HCFC1: variants seen among roughly 807,000 people sequenced by gnomAD.
HCFC1 encodes the protein host cell factor 1.
A neutral mutation model predicts 105.5 loss-of-function variants in HCFC1; 7 were observed. The observed-to-expected ratio is 0.07, with a 90% CI of 0.04 to 0.12. The LOEUF (loss-of-function observed/expected upper bound fraction) is 0.12, where lower values mean the gene tolerates loss of function less well. Among genes scored for constraint, HCFC1 ranks in the 10% least tolerant of loss-of-function variants. The pLI is 1.00. For missense variants in HCFC1, 1,065 were observed against 1,823.6 expected (o/e 0.58, Z 7.58); for synonymous variants, 918 against 828.1 (o/e 1.11, Z -1.86).
At chrX:153,970,626 A>G (rs782817578) in intron 1 of HCFC1, 22 bp downstream of exon 1, 2 of 1,158,016 alleles carry the variant, frequency 1.7e-6, no homozygotes, top group East Asian at 6.2e-5. Flanking sequence ...AGAGCCGAAG[A>G]CCCAGCGGGC....
chrX:153,965,838 G>C (rs1450563562), intron 1 of HCFC1, among the ~76,000 whole-genome samples: 2 of 112,613 alleles, frequency 1.8e-5, no homozygotes, highest in Non-Finnish European at 3.8e-5. Flanking sequence ...CCATAGAAGA[G>C]GAAAAACAGT....
intron 20 of HCFC1, 53 bp downstream of exon 20, chrX:153,951,788 A>G: frequency 8.6e-7 from 1 of 1,168,131 alleles, no homozygotes; most frequent in Non-Finnish European, 1.1e-6. Flanking sequence ...TCCTGCCCTC[A>G]CCTCCCTGGG....
At position 153,970,914 on chromosome X, in the gene HCFC1, C is replaced by T. The variant is rs1557119979; in HGVS notation, c.-74G>A. ...GCCCCTCAATTCCTTTCACACACCCCCTTTCGTCTAAGGCAGCTCTCACGG... is the reference window on the plus strand; with the variant it reads ...GCCCCTCAATTCCTTTCACACACCCTCTTTCGTCTAAGGCAGCTCTCACGG... On this transcript the variant is annotated 5_prime_UTR_variant, in exon 1 of 26. Coordinates refer to ENST00000310441, the MANE Select transcript of HCFC1 (RefSeq NM_005334.3). The T allele has an allele frequency of 3.3e-6, 3 of 903,227 alleles. No individual in the cohort carries two copies. The highest frequency in any genetic ancestry group is 3.5e-5 in the East Asian group (1 of 28,425). The allele number at this position is 903,227 out of a possible 1,213,427, so 74.4% of individuals were successfully genotyped here.
chrX:153,951,829 T>G lies in HCFC1; in HGVS notation c.5260+12A>C. On this transcript the variant is annotated intron_variant, in intron 20 of 25. Coordinates refer to ENST00000310441, the MANE Select transcript of HCFC1 (RefSeq NM_005334.3). ...CCACCACCCCAGCACCAATTCGCCC[T>G]CAGTCGCTTACTCTCAGTGGCCGTT... 9 of 1,185,687 alleles carry G rather than the reference T, an allele frequency of 7.6e-6. No individual in the cohort carries two copies. The highest frequency in any genetic ancestry group is 1.0e-5 in the Non-Finnish European group (9 of 880,972).
At chrX:153,957,227 CAG>C in intron 13 of HCFC1, 85 bp downstream of exon 13, 5 of 992,962 alleles carry the variant, frequency 5.0e-6, no homozygotes, top group Non-Finnish European at 5.5e-6. Context: ...GTAAACTAAA[CAG>C]AAACACAGCA....
At position 153,956,688 on chromosome X, in the gene HCFC1, T is replaced by C. The variant is rs781910245; in HGVS notation, c.2572A>G (p.Thr858Ala). The change falls in exon 15 of 26, where the codon ACA (threonine) becomes GCA (alanine). Residue 858 changes from threonine (T) to alanine (A), a missense_variant. Physicochemically the swap from Thr to Ala is moderately conservative, Grantham distance 58. This residue lies in a region of HCFC1 where 137 missense variants were observed against 378.2 expected (regional missense o/e 0.36). Coordinates refer to ENST00000310441, the MANE Select transcript of HCFC1 (RefSeq NM_005334.3). ...TTGACGGCGGAGACGGTGACGGGTG[T>C]GACCAGGCGAACACCCCCCATGGGC... ...TVPMGGVRLV[T>A]PVTVSAVKPA... 8.3e-7 allele frequency: 1 copy of C among 1,211,427 alleles called. No homozygotes were observed. Among genetic ancestry groups the C allele is most frequent in the Non-Finnish European group, 1.1e-6 (1 of 895,470 alleles).
chrX:153,955,228 A>G lies in HCFC1; in HGVS notation c.3171T>C (p.Ala1057=). The G allele has an allele frequency of 1.7e-6, 2 of 1,211,204 alleles. No homozygotes were observed. The highest frequency in any genetic ancestry group is 1.1e-6 in the Non-Finnish European group (1 of 895,333). ...QFVCDRQEAA[A]SLVTSTVGQQ... ...GGCCCACAGTCGAGGTCACAAGAGA[A>G]GCAGCTGCCTCCTGTCTGTCACAGA... The change falls in exon 17 of 26, where the codon GCT becomes GCC. Residue 1057 remains alanine (A), a synonymous_variant. Transcript: ENST00000310441.
At chrX:153,952,451 T>C (rs1350637395) in intron 19 of HCFC1, 63 bp downstream of exon 19, 5 of 1,057,516 alleles carry the variant, frequency 4.7e-6, no homozygotes, top group Non-Finnish European at 6.3e-6. Context: ...CTTCCCAGGC[T>C]GTCTCCGCGG....
chrX:153,968,086 A>AT (rs1242433384), intron 1 of HCFC1, among the ~76,000 whole-genome samples: 1 of 111,009 alleles, frequency 9.0e-6, no homozygotes, highest in Admixed American at 9.6e-5. Flanking sequence ...TCCACTAGGT[A>AT]TTTTCCAAGG....
Position 153,954,641 on chromosome X carries a change from C to T in HCFC1, c.3758G>A (p.Arg1253His), listed in dbSNP as rs374683078. The T allele has an allele frequency of 9.1e-6, 11 of 1,204,571 alleles. No homozygotes were observed. Among genetic ancestry groups the T allele is most frequent in the African/African-American group, 7.0e-5 (4 of 57,310 alleles). ...GAGGCTCTCGCACACAGGTGCCATGCGGGGCTCCCCAGCACCCACGCTGGA... is the reference window on the plus strand; with the variant it reads ...GAGGCTCTCGCACACAGGTGCCATGTGGGGCTCCCCAGCACCCACGCTGGA... The part of the protein sequence containing the change: ...TRSSVGAGEP[R>H]MAPVCESLQG... The change falls in exon 17 of 26, where the codon CGC becomes CAC. Residue 1253 changes from arginine (R) to histidine (H), a missense_variant. Physicochemically the swap from Arg to His is conservative, Grantham distance 29. Transcript: ENST00000310441.
In HCFC1 at chrX:153,970,995, G is replaced by A. The variant is rs945243330; in HGVS notation, c.-155C>T. ...CTCCATGGAGGCCGCCATCTTAACT[G>A]CCCTCCTTCCCTTTGGCTCTTCCCT... On this transcript the variant is annotated 5_prime_UTR_variant, in exon 1 of 26. Transcript: ENST00000310441. 1.2e-5 allele frequency: 5 copies of A among 427,051 alleles called. No individual in the cohort carries two copies. Among genetic ancestry groups the A allele is most frequent in the African/African-American group, 7.7e-5 (3 of 38,909 alleles). 35.2% of individuals were successfully genotyped at this position (427,051 alleles called of 1,213,427 possible). A position where few individuals can be genotyped will look rare whatever the true frequency, so the allele number is the denominator to read the frequency against.
At chrX:153,960,551 A>G in intron 6 of HCFC1, 137 bp from the exon 7 acceptor site, 1 of 436,555 alleles carries the variant, frequency 2.3e-6, no homozygotes, top group South Asian at 6.1e-5. Context: ...AAAAACAACA[A>G]AACAAAGAAA....
In HCFC1 at chrX:153,954,393, C is replaced by T. The variant is rs1350444902; in HGVS notation, c.4006G>A (p.Ala1336Thr). 2.1e-5 allele frequency: 25 copies of T among 1,208,364 alleles called. No individual in the cohort carries two copies. Among genetic ancestry groups the T allele is most frequent in the East Asian group, 3.0e-5 (1 of 33,725 alleles). ...TGGCCCGTGCCCCCGTTTGAAGTAG[C>T]GGTGGTGGCCGTGTGGGTGGTGCCC... is the stretch of plus-strand genomic sequence containing the variant. The part of the protein sequence containing the change: ...ETGTTHTATT[A>T]TSNGGTGQPE... Residue 1336 changes from alanine to threonine, a missense_variant, in exon 17 of 26, where the codon GCT becomes ACT. Physicochemically the swap from Ala to Thr is moderately conservative, Grantham distance 58. Coordinates refer to ENST00000310441, the MANE Select transcript of HCFC1 (RefSeq NM_005334.3).
At chrX:153,950,628 T>G in intron 23 of HCFC1, 85 bp from the exon 24 acceptor site, 1 of 945,336 alleles carries the variant, frequency 1.1e-6, no homozygotes, top group Non-Finnish European at 1.5e-6. Context: ...AGCCATTTTC[T>G]AACACAGTAG....
chrX:153,952,450 CTG>C, intron 19 of HCFC1, 62 bp downstream of exon 19: 2 of 1,058,307 alleles, frequency 1.9e-6, no homozygotes, highest in Non-Finnish European at 2.5e-6. Context: ...TCTTCCCAGG[CTG>C]TCTCCGCGGC....
chrX:153,962,148 A>G, intron 5 of HCFC1, 74 bp downstream of exon 5: 1 of 829,139 alleles, frequency 1.2e-6, no homozygotes, highest in East Asian at 3.3e-5. Flanking sequence ...GACAGGACAA[A>G]ACTGAGTGAG....
chrX:153,960,017 G>T lies in HCFC1; in HGVS notation c.1229C>A (p.Thr410Asn). The part of the protein sequence containing the change: ...YDIPATAATA[T>N]SPTPNPVPSV... ...TGGGACCGGATTGGGTGTAGGGGAG[G>T]TGGCAGTAGCAGCCGTGGCAGGAAT... The change falls in exon 8 of 26, where the codon ACC (threonine) becomes AAC (asparagine). Residue 410 changes from threonine to asparagine, a missense_variant. By Grantham distance (65) the Thr-to-Asn change is moderately conservative. Transcript: ENST00000310441. 8.3e-7 allele frequency: 1 copy of T among 1,211,804 alleles called. No homozygotes were observed. The highest frequency in any genetic ancestry group is 1.1e-6 in the Non-Finnish European group (1 of 895,449).
rs2065285666 is a variant in HCFC1, at chrX:153,949,220, G to A, written c.*127C>T. ...AAAACAGAGAGAAAGAGAAAGGGGA[G>A]AGGAGTGAACAGCGGCTCGCGAGGG... On this transcript the variant is annotated 3_prime_UTR_variant, in exon 26 of 26. Coordinates refer to ENST00000310441, the MANE Select transcript of HCFC1 (RefSeq NM_005334.3). The A allele has an allele frequency of 2.0e-6, 1 of 504,925 alleles. No individual in the cohort carries two copies. The highest frequency in any genetic ancestry group is 3.4e-5 in the East Asian group (1 of 29,619). The allele number at this position is 504,925 out of a possible 1,213,427, so 41.6% of individuals were successfully genotyped here.
At chrX:153,955,666 CG>C (rs2065368244) in intron 16 of HCFC1, 124 bp from the exon 17 acceptor site, 4 of 680,533 alleles carry the variant, frequency 5.9e-6, no homozygotes, top group Admixed American at 3.9e-5. Flanking sequence ...CCCTGGCAGA[CG>C]TAAGACCCAC....
Sources: gnomAD v4.1 joint callset for allele counts (sites outside exome capture counted in the v4.1 genomes callset) on GRCh38, gnomAD v4.1.1 for gene constraint, gnomAD v4.1.1 regional missense constraint, MANE v1.5 for transcripts, NCBI Gene and HGNC (gene_info 2026-07-23, HGNC 2026-07-21) for gene names.